The following CADPS2 variants were observed in gnomAD, a reference collection of about 807,000 sequenced individuals.
CADPS2 encodes the protein calcium dependent secretion activator 2.
Under a neutral mutation model 172.5 loss-of-function variants are expected in CADPS2, and 93 were observed. The observed-to-expected ratio is 0.54, with a 90% CI of 0.46 to 0.64. The LOEUF is 0.64. Ranked by LOEUF, CADPS2 falls within the 30% of genes least tolerant of loss-of-function variation. The pLI, the probability that CADPS2 is intolerant of heterozygous loss-of-function variation, is 0.00. For missense variants in CADPS2, 1,420 were observed against 1,565.9 expected, an observed-to-expected ratio of 0.91 and a Z score of 1.57; for synonymous variants, 546 against 555.2, an observed-to-expected ratio of 0.98 and a Z score of 0.23.
intron 8 of CADPS2, among the ~76,000 whole-genome samples, chr7:122,553,772 G>C (rs557052944): frequency 5.9e-5 from 9 of 152,238 alleles, no homozygotes. Context: ...CTAACTCAGG[G>C]TAAGCCACTT....
intron 3 of CADPS2, among the ~76,000 whole-genome samples, chr7:122,636,389 GA>G (rs755638073): frequency 6.6e-6 from 1 of 151,448 alleles, no homozygotes; most frequent in East Asian, 1.9e-4. Flanking sequence ...TTCATGGTTG[GA>G]ATTTCTTTTC....
At chr7:122,658,491 A>T (rs1323219184) in intron 3 of CADPS2, among the ~76,000 whole-genome samples, 1 of 152,150 alleles carries the variant, frequency 6.6e-6, no homozygotes, top group Non-Finnish European at 1.5e-5. Flanking sequence ...ACCAACCCAA[A>T]TGTCAATGAT....
At chr7:122,849,339 A>G (rs1812889175) in intron 1 of CADPS2, among the ~76,000 whole-genome samples, 1 of 152,184 alleles carries the variant, frequency 6.6e-6, no homozygotes, top group Non-Finnish European at 1.5e-5. Context: ...AATCACCAAA[A>G]AACATTTTAA....
intron 5 of CADPS2, among the ~76,000 whole-genome samples, chr7:122,619,166 A>G (rs983382925): frequency 6.6e-6 from 1 of 152,178 alleles, no homozygotes; most frequent in Non-Finnish European, 1.5e-5. Context: ...CAGGCAAAAT[A>G]TAATTCATAA....
intron 2 of CADPS2, chr7:122,699,164 T>G (rs2085635718): frequency 2.4e-6 from 1 of 416,682 alleles, no homozygotes; most frequent in African/African-American, 2.0e-5. Context: ...CTTACTATTG[T>G]GTGATGTGAT....
At chr7:122,698,701 C>T in intron 2 of CADPS2, 1 of 1,613,484 alleles carries the variant, frequency 6.2e-7, no homozygotes, top group Non-Finnish European at 8.5e-7. Flanking sequence ...CACTATAACT[C>T]CTGCCACTCT....
chr7:122,718,973 T>A (rs183277442), intron 2 of CADPS2, among the ~76,000 whole-genome samples: 1 of 152,200 alleles, frequency 6.6e-6, no homozygotes. Flanking sequence ...ACTGTTTTGA[T>A]AATAAAACTT....
intron 6 of CADPS2, among the ~76,000 whole-genome samples, chr7:122,596,614 ATGTT>A (rs532011280): frequency 1.3e-5 from 2 of 152,230 alleles, no homozygotes; most frequent in South Asian, 4.1e-4. Context: ...TTACCTATGT[ATGTT>A]TATGATTTCC....
At chr7:122,645,006 C>G (rs1410960993) in intron 3 of CADPS2, among the ~76,000 whole-genome samples, 1 of 151,740 alleles carries the variant, frequency 6.6e-6, no homozygotes. Context: ...CCTTTGAAAA[C>G]TTAGAACAGG....
intron 6 of CADPS2, among the ~76,000 whole-genome samples, chr7:122,598,749 A>C (rs1415978304): frequency 1.3e-5 from 2 of 152,148 alleles, no homozygotes; most frequent in African/African-American, 4.8e-5. Flanking sequence ...GGTTCAAGAT[A>C]ATACTGTTGT....
chr7:122,540,480 C>T (rs572868095), intron 8 of CADPS2, among the ~76,000 whole-genome samples: 1 of 152,158 alleles, frequency 6.6e-6, no homozygotes, highest in East Asian at 1.9e-4. Flanking sequence ...TGTGGGTATG[C>T]TCCTCAATTT....
intron 1 of CADPS2, among the ~76,000 whole-genome samples, chr7:122,849,429 C>T (rs1429878651): frequency 6.6e-6 from 1 of 152,156 alleles, no homozygotes; most frequent in Non-Finnish European, 1.5e-5. Context: ...GTACTCAGGA[C>T]ATCAGAAATG....
intron 17 of CADPS2, among the ~76,000 whole-genome samples, chr7:122,416,594 G>A (rs902730740): frequency 1.3e-5 from 2 of 152,030 alleles, no homozygotes; most frequent in Non-Finnish European, 2.9e-5. Context: ...TTAAATTCCC[G>A]GCCTGAAATG....
chr7:122,876,739 G>A (rs1299790306), intron 1 of CADPS2, among the ~76,000 whole-genome samples: 1 of 151,886 alleles, frequency 6.6e-6, no homozygotes, highest in African/African-American at 2.4e-5. Context: ...AAAGGATATT[G>A]GAAAAATAAG....
At chr7:122,617,847 T>C (rs947629176) in intron 5 of CADPS2, among the ~76,000 whole-genome samples, 13 of 152,040 alleles carry the variant, frequency 8.6e-5, no homozygotes, top group Non-Finnish European at 1.2e-4. Context: ...ATCGAGACCA[T>C]CCTGGCTAAC....
chr7:122,517,530 A>T lies in CADPS2; in HGVS notation c.1476-4215T>A, dbSNP rs571337407. 1.2e-3 allele frequency among the ~76,000 whole-genome samples: 175 copies of T among 152,144 alleles called. No individual in the cohort carries two copies. The Middle Eastern group carries it at 0.014, about 12-fold the overall frequency. ...TTGAGTTACCATCAGCAAATGTATA[A>T]AGGTACATCTTACTTTTGTAATCAG... On this transcript the variant is annotated intron_variant, in intron 8 of 29. Coordinates refer to ENST00000449022, the MANE Select transcript of CADPS2 (RefSeq NM_017954.11).
chr7:122,400,728 T>C (rs2045847143), intron 20 of CADPS2, among the ~76,000 whole-genome samples: 1 of 152,232 alleles, frequency 6.6e-6, no homozygotes, highest in Non-Finnish European at 1.5e-5. Context: ...GCAATCTAGA[T>C]GTTATACCCT....
chr7:122,728,887 T>C (rs181933673), intron 2 of CADPS2, among the ~76,000 whole-genome samples: 4 of 151,948 alleles, frequency 2.6e-5, no homozygotes, highest in Admixed American at 2.6e-4. Flanking sequence ...GTATTTATTA[T>C]ATTACAAGTC....
intron 1 of CADPS2, among the ~76,000 whole-genome samples, chr7:122,829,461 G>A (rs1805857221): frequency 6.6e-6 from 1 of 152,092 alleles, no homozygotes; most frequent in Non-Finnish European, 1.5e-5. Flanking sequence ...GTAATTATAA[G>A]ACCAACTCCT....
Sources: allele counts gnomAD v4.1 joint callset (sites outside exome capture counted in the v4.1 genomes callset), GRCh38; gene constraint gnomAD v4.1.1; transcripts MANE v1.5; gene names NCBI Gene and HGNC (gene_info 2026-07-23, HGNC 2026-07-21).